The following DDR2 variants were observed in gnomAD, a reference collection of about 807,000 sequenced individuals.
The protein encoded by DDR2 is discoidin domain receptor tyrosine kinase 2.
In DDR2, 27 loss-of-function variants were observed where a neutral mutation model predicts 94.9. The ratio of observed to expected loss-of-function variants is 0.28; its 90% CI spans 0.21 to 0.39. The LOEUF (loss-of-function observed/expected upper bound fraction) is 0.39. Among genes scored for constraint, DDR2 ranks in the 10% least tolerant of loss-of-function variants. DDR2 has a pLI of 1.00. For missense variants in DDR2, 783 were observed against 1,076.0 expected, an observed-to-expected ratio of 0.73 and a Z score of 3.81; for synonymous variants, 382 against 377.2, an observed-to-expected ratio of 1.01 and a Z score of -0.15.
At chr1:162,642,343 G>A (rs866044222) in intron 1 of DDR2, among the ~76,000 whole-genome samples, 2 of 151,604 alleles carry the variant, frequency 1.3e-5, no homozygotes, top group African/African-American at 4.9e-5. Flanking sequence ...CGCCATCCTG[G>A]CTCACCACAA....
chr1:162,656,833 G>GTTTTGTT (rs1558008740), intron 2 of DDR2, among the ~76,000 whole-genome samples: 1 of 65,682 alleles, frequency 1.5e-5, no homozygotes, highest in Non-Finnish European at 3.0e-5. Flanking sequence ...TGCCACTGGA[G>GTTTTGTT]TTTTTTTTTT....
chr1:162,644,215 T>A (rs1015218285), intron 1 of DDR2, among the ~76,000 whole-genome samples: 13 of 152,194 alleles, frequency 8.5e-5, no homozygotes, highest in African/African-American at 1.4e-4. Flanking sequence ...TTAGCATTTT[T>A]AAAAATAATG....
At chr1:162,653,573 ACT>A (rs898695993) in intron 1 of DDR2, among the ~76,000 whole-genome samples, 3 of 96,762 alleles carry the variant, frequency 3.1e-5, no homozygotes, top group African/African-American at 1.1e-4. Context: ...ATAGAATGAG[ACT>A]CTGTCTCAAA....
rs1254158368 is a variant in DDR2, at chr1:162,781,353, A to G, written c.*1107A>G. On this transcript the variant is annotated 3_prime_UTR_variant, in exon 18 of 18. Coordinates refer to ENST00000367921, the MANE Select transcript of DDR2 (RefSeq NM_006182.4). Reference sequence around the variant, plus strand: ...GTGTCCCCAAAAAAGTTGTCCTAGGAACTGATGTGGAGAAGTTACAGGGAG... The same window carrying G: ...GTGTCCCCAAAAAAGTTGTCCTAGGGACTGATGTGGAGAAGTTACAGGGAG... 5 of 152,158 alleles carry G rather than the reference A, an allele frequency of 3.3e-5. No homozygotes were observed. The highest frequency in any genetic ancestry group is 1.2e-4 in the African/African-American group (5 of 41,422). The allele number at this position is 152,158 out of a possible 1,614,324, so 9.4% of individuals were successfully genotyped here.
intron 2 of DDR2, among the ~76,000 whole-genome samples, chr1:162,656,161 C>A (rs1019000469): frequency 3.9e-5 from 6 of 152,260 alleles, no homozygotes; most frequent in Non-Finnish European, 4.4e-5. Flanking sequence ...GTGTCTGAGA[C>A]CTTCCCAGCC....
At chr1:162,642,047 T>G (rs1448062345) in intron 1 of DDR2, among the ~76,000 whole-genome samples, 1 of 152,018 alleles carries the variant, frequency 6.6e-6, no homozygotes, top group South Asian at 2.1e-4. Context: ...GCCTCCTGGG[T>G]TCAAGCCATT....
In DDR2 at chr1:162,719,101, T is replaced by C. The variant is rs1661296085; in HGVS notation, c.38T>C (p.Leu13Pro). 1 of 1,613,802 alleles carries C rather than the reference T, an allele frequency of 6.2e-7. No homozygotes were observed. Among genetic ancestry groups the C allele is most frequent in the African/African-American group, 1.3e-5 (1 of 74,906 alleles). ...CCCAGAATGCTCTTGGTGCTGTTCC[T>C]GCTGCTGCCTATCTTGAGTTCTGCA... ...LIPRMLLVLF[L>P]LLPILSSAKA... Residue 13 changes from leucine to proline, a missense_variant, in exon 3 of 18, where the codon CTG becomes CCG. This residue lies in a region of DDR2 where 519 missense variants were observed against 647.9 expected (regional missense o/e 0.80). Transcript: ENST00000367921.
rs1225048763 is a variant in DDR2 at position 162,728,182 on chromosome 1, TTA to T, written c.82+9048_82+9049del. ...TATAAATATATAGATAGATATCTCT[TTA>T]TATATATATAGATAGATATATCTTT... On this transcript the variant is annotated intron_variant, in intron 3 of 17. Transcript: ENST00000367921. 3.5e-3 allele frequency among the ~76,000 whole-genome samples: 501 copies of T among 141,268 alleles called. 3 individuals carry two copies. The highest frequency in any genetic ancestry group is 0.011 in the African/African-American group (411 of 37,090). 92.7% of individuals were successfully genotyped at this position (141,268 alleles called of 152,430 possible).
At chr1:162,644,997 A>G (rs1367262281) in intron 1 of DDR2, among the ~76,000 whole-genome samples, 2 of 152,166 alleles carry the variant, frequency 1.3e-5, no homozygotes, top group Non-Finnish European at 2.9e-5. Flanking sequence ...CCTTTCCCCA[A>G]CCCCAAATAA....
At chr1:162,766,447 G>A (rs1042178159) in intron 10 of DDR2, among the ~76,000 whole-genome samples, 5 of 152,188 alleles carry the variant, frequency 3.3e-5, no homozygotes, top group African/African-American at 9.7e-5. Context: ...TGCCATGTAT[G>A]CATTGCTTTA....
At chr1:162,690,410 T>G (rs1411574338) in intron 2 of DDR2, among the ~76,000 whole-genome samples, 2 of 152,148 alleles carry the variant, frequency 1.3e-5, no homozygotes, top group Non-Finnish European at 2.9e-5. Flanking sequence ...TGTGTGACAC[T>G]GGCCAAGTCA....
chr1:162,717,650 A>T (rs559111775), intron 2 of DDR2, among the ~76,000 whole-genome samples: 4 of 152,184 alleles, frequency 2.6e-5, no homozygotes, highest in Non-Finnish European at 5.9e-5. Context: ...AGGATTACTC[A>T]TCAGGAACTT....
chr1:162,636,492 C>T (rs1404873412), intron 1 of DDR2, among the ~76,000 whole-genome samples: 1 of 152,202 alleles, frequency 6.6e-6, no homozygotes, highest in East Asian at 1.9e-4. Context: ...GGATCTATAG[C>T]TCCGAGGTTA....
chr1:162,681,617 G>T (rs2101958182), intron 2 of DDR2, among the ~76,000 whole-genome samples: 1 of 152,250 alleles, frequency 6.6e-6, no homozygotes, highest in Non-Finnish European at 1.5e-5. Context: ...GTCTGGTTAG[G>T]CCTGCTTGCT....
intron 2 of DDR2, among the ~76,000 whole-genome samples, chr1:162,665,563 A>ATT (rs5778284): frequency 2.3e-4 from 33 of 141,394 alleles, no homozygotes; most frequent in African/African-American, 3.6e-4. Flanking sequence ...TGCATGTATG[A>ATT]TTTTTTTTTT....
chr1:162,767,520 A>C (rs2102173983), intron 11 of DDR2, among the ~76,000 whole-genome samples, 161 bp downstream of exon 11: 1 of 152,330 alleles, frequency 6.6e-6, no homozygotes, highest in African/African-American at 2.4e-5. Context: ...AGAATTAGCT[A>C]AGTCTATTTT....
intron 15 of DDR2, 22 bp from the exon 16 acceptor site, chr1:162,776,114 G>T (rs187368533): frequency 1.3e-6 from 2 of 1,592,966 alleles, no homozygotes; most frequent in African/African-American, 1.3e-5. Flanking sequence ...GCTACCTTCT[G>T]TCTTCTTGTC....
rs200110142 is a variant in DDR2 at position 162,778,651 on chromosome 1, A to T, written c.2355A>T (p.Gln785His). The T allele has an allele frequency of 6.2e-7, 1 of 1,614,000 alleles. No homozygotes were observed. The highest frequency in any genetic ancestry group is 8.5e-7 in the Non-Finnish European group (1 of 1,179,928). The change falls in exon 17 of 18, where the codon CAA becomes CAT. Residue 785 changes from glutamine (Q) to histidine (H), a missense_variant. Physicochemically the swap from Gln to His is conservative, Grantham distance 24. Coordinates refer to ENST00000367921, the MANE Select transcript of DDR2 (RefSeq NM_006182.4). Reference sequence around the variant, plus strand: ...TGTGGGAGACTTTCACCTTTTGTCAAGAACAGCCCTATTCCCAGCTGTCAG... The same window carrying T: ...TGTGGGAGACTTTCACCTTTTGTCATGAACAGCCCTATTCCCAGCTGTCAG... Reference protein sequence around the residue: ...VTLWETFTFCQEQPYSQLSDE... With the variant: ...VTLWETFTFCHEQPYSQLSDE...
chr1:162,719,030 G>A lies in DDR2; in HGVS notation c.-27-7G>A, dbSNP rs749316199. The A allele has an allele frequency of 1.2e-6, 2 of 1,613,204 alleles. No homozygotes were observed. The highest frequency in any genetic ancestry group is 1.1e-5 in the South Asian group (1 of 91,070). On this transcript the variant is annotated splice_polypyrimidine_tract_variant and splice_region_variant and intron_variant, in intron 2 of 17. Coordinates refer to ENST00000367921, the MANE Select transcript of DDR2 (RefSeq NM_006182.4). The stretch of plus-strand genomic sequence containing the variant: ...TTCTGTTTTCTTGCATTATTGGTTG[G>A]TGGCAGACTCCAGTTCCAACACCAT...
Sources: gnomAD v4.1 joint callset for allele counts (sites outside exome capture counted in the v4.1 genomes callset) on GRCh38, gnomAD v4.1.1 for gene constraint, gnomAD v4.1.1 regional missense constraint, MANE v1.5 for transcripts, NCBI Gene and HGNC (gene_info 2026-07-23, HGNC 2026-07-21) for gene names.